The following FMN1 variants were observed in gnomAD, a reference collection of about 807,000 sequenced individuals.
FMN1 encodes the protein formin 1, also known as formin-1.
FMN1 carries 110 observed loss-of-function variants against 132.4 expected under a neutral mutation model. The ratio of observed to expected loss-of-function variants is 0.83; its 90% CI spans 0.71 to 0.97. FMN1 has a LOEUF of 0.97. Among genes scored for constraint, FMN1 ranks in the 50% least tolerant of loss-of-function variants. The probability of loss-of-function intolerance (pLI) is 0.00; values close to 1 mark genes in which losing one functional copy is unlikely to be tolerated. For synonymous variants in FMN1, 722 were observed against 651.7 expected, an observed-to-expected ratio of 1.11 and a Z score of -1.64; for missense variants, 1,792 against 1,705.3, an observed-to-expected ratio of 1.05 and a Z score of -0.90.
At chr15:33,173,275 G>A (rs976262988) in intron 3 of FMN1, among the ~76,000 whole-genome samples, 3 of 152,124 alleles carry the variant, frequency 2.0e-5, no homozygotes, top group African/African-American at 7.2e-5. Flanking sequence ...TGTCAGTAAG[G>A]TGGATGAGGT....
intron 4 of FMN1, among the ~76,000 whole-genome samples, chr15:33,103,385 A>G (rs1377840095): frequency 6.6e-6 from 1 of 152,134 alleles, no homozygotes; most frequent in Non-Finnish European, 1.5e-5. Flanking sequence ...TATAAAGATT[A>G]AAGAGTTAAT....
intron 17 of FMN1, among the ~76,000 whole-genome samples, chr15:32,845,394 G>A (rs1295521961): frequency 6.6e-6 from 1 of 152,188 alleles, no homozygotes; most frequent in Non-Finnish European, 1.5e-5. Context: ...TAAGACCTCA[G>A]AAAAGGAATC....
intron 7 of FMN1, among the ~76,000 whole-genome samples, chr15:32,984,533 G>C (rs1229166102): frequency 4.6e-5 from 7 of 152,054 alleles, no homozygotes; most frequent in Admixed American, 4.6e-4. Context: ...AAACTCAGAA[G>C]AAACTTCACA....
At chr15:32,787,308 T>C (rs919926225) in intron 19 of FMN1, among the ~76,000 whole-genome samples, 1 of 152,206 alleles carries the variant, frequency 6.6e-6, no homozygotes, top group Non-Finnish European at 1.5e-5. Flanking sequence ...TAAGAAAGAA[T>C]GGGTAACCCC....
intron 19 of FMN1, among the ~76,000 whole-genome samples, chr15:32,782,263 A>C (rs2056689682): frequency 6.6e-6 from 1 of 152,192 alleles, no homozygotes; most frequent in Non-Finnish European, 1.5e-5. Context: ...ACCATGCTCA[A>C]GTCAGTTCTT....
chr15:32,816,870 C>T (rs2058074966), intron 17 of FMN1, among the ~76,000 whole-genome samples: 1 of 152,164 alleles, frequency 6.6e-6, no homozygotes, highest in Non-Finnish European at 1.5e-5. Context: ...ATAAAGTAAC[C>T]ATTCTACATA....
chr15:32,790,697 C>G (rs1480893554), intron 19 of FMN1, among the ~76,000 whole-genome samples: 1 of 152,168 alleles, frequency 6.6e-6, no homozygotes, highest in African/African-American at 2.4e-5. Context: ...AGTGTCTTCT[C>G]AAAGCTCCCT....
At chr15:32,901,231 G>A (rs2060288300) in intron 13 of FMN1, among the ~76,000 whole-genome samples, 1 of 152,124 alleles carries the variant, frequency 6.6e-6, no homozygotes, top group Non-Finnish European at 1.5e-5. Flanking sequence ...TGCCTTTCAG[G>A]TATTATTAGT....
chr15:33,054,888 G>C (rs758688592), intron 6 of FMN1, among the ~76,000 whole-genome samples: 1 of 152,146 alleles, frequency 6.6e-6, no homozygotes, highest in Non-Finnish European at 1.5e-5. Context: ...GAGTAACCAA[G>C]GAACAAGGAC....
chr15:33,183,496 A>C (rs1965774448), intron 2 of FMN1, among the ~76,000 whole-genome samples: 1 of 152,220 alleles, frequency 6.6e-6, no homozygotes, highest in Admixed American at 6.5e-5. Flanking sequence ...TGTGTTACTC[A>C]ACATCGAATT....
intron 9 of FMN1, among the ~76,000 whole-genome samples, chr15:32,943,298 T>C (rs2061437101): frequency 6.6e-6 from 1 of 152,228 alleles, no homozygotes; most frequent in Non-Finnish European, 1.5e-5. Context: ...TCACATAAAT[T>C]AGACAATCTG....
chr15:32,796,117 C>T (rs1473802302), intron 19 of FMN1, among the ~76,000 whole-genome samples: 1 of 152,202 alleles, frequency 6.6e-6, no homozygotes, highest in East Asian at 1.9e-4. Context: ...AAGATGCATT[C>T]ATCTCAATTT....
intron 15 of FMN1, among the ~76,000 whole-genome samples, 168 bp from the exon 16 acceptor site, chr15:32,888,460 G>A (rs2059946680): frequency 2.0e-5 from 3 of 152,190 alleles, no homozygotes; most frequent in African/African-American, 7.2e-5. Flanking sequence ...ACTTTGAAGT[G>A]CTTTCTTGTC....
chr15:33,150,287 G>T, intron 4 of FMN1: 14 of 985,468 alleles, frequency 1.4e-5, no homozygotes, highest in Non-Finnish European at 1.7e-5. Flanking sequence ...GTTCCTCAAG[G>T]TTTGGGGGAA....
intron 16 of FMN1, among the ~76,000 whole-genome samples, chr15:32,857,913 C>A (rs867934184): frequency 3.9e-5 from 6 of 152,174 alleles, no homozygotes; most frequent in South Asian, 2.1e-4. Context: ...TGTGTTTGTG[C>A]CAGTTACAGC....
Position 32,789,487 on chromosome 15 carries a change from G to A in FMN1, c.4130+9317C>T, listed in dbSNP as rs78547913. 6.4e-3 allele frequency among the ~76,000 whole-genome samples: 973 copies of A among 152,076 alleles called. 10 individuals carry two copies. Among genetic ancestry groups the A allele is most frequent in the Admixed American group, 0.016 (238 of 15,262 alleles). On this transcript the variant is annotated intron_variant, in intron 19 of 20. Coordinates refer to ENST00000616417, the MANE Select transcript of FMN1 (RefSeq NM_001277313.2). ...GTCACACACTGCATAATGACATTTC[G>A]GTCAAAGACAGACCTCATATATGAT...
chr15:33,058,082 TGATGGGGGTGCTGGTGGAAAGGTGC>T (rs2037313496), intron 6 of FMN1, among the ~76,000 whole-genome samples: 1 of 149,040 alleles, frequency 6.7e-6, no homozygotes, highest in South Asian at 2.1e-4. Context: ...TGGAAAGGTG[TGATGGGGGTGCTGGTGGAAAGGTGC>T]GGCGGGGCTG....
intron 17 of FMN1, among the ~76,000 whole-genome samples, chr15:32,819,165 A>G (rs915897998): frequency 3.3e-5 from 5 of 152,178 alleles, no homozygotes; most frequent in Non-Finnish European, 5.9e-5. Flanking sequence ...AGGGGATTCC[A>G]GAGCTCCGAG....
At chr15:32,969,725 G>A (rs1344352616) in intron 7 of FMN1, among the ~76,000 whole-genome samples, 1 of 152,116 alleles carries the variant, frequency 6.6e-6, no homozygotes, top group Non-Finnish European at 1.5e-5. Context: ...AATTTTCATG[G>A]ATTAAGGCTT....
Sources: gnomAD v4.1 joint callset for allele counts (sites outside exome capture counted in the v4.1 genomes callset) on GRCh38, gnomAD v4.1.1 for gene constraint, MANE v1.5 for transcripts, NCBI Gene and HGNC (gene_info 2026-07-23, HGNC 2026-07-21) for gene names.